RPH3A: variants seen among roughly 807,000 people sequenced by gnomAD.
RPH3A encodes rabphilin-3A.
RPH3A carries 48 observed loss-of-function variants against 102.2 expected under a neutral mutation model. That is an observed-to-expected ratio of 0.47 (90% confidence interval 0.37 to 0.60). The LOEUF (loss-of-function observed/expected upper bound fraction) is 0.60. RPH3A is among the 20% of genes least tolerant of loss of function. The pLI, the probability that RPH3A is intolerant of heterozygous loss-of-function variation, is 0.00. For synonymous variants in RPH3A, 310 were observed against 324.3 expected (o/e 0.96, Z 0.47); for missense variants, 781 against 910.1 (o/e 0.86, Z 1.83).
chr12:112,776,822 C>T (rs1402626422), intron 1 of RPH3A, among the ~76,000 whole-genome samples: 2 of 125,684 alleles, frequency 1.6e-5, no homozygotes, highest in African/African-American at 3.1e-5. Flanking sequence ...TGCAGTGAGC[C>T]GAGATCATGC....
At chr12:112,881,692 A>AG in intron 14 of RPH3A, 80 bp from the exon 15 acceptor site, 1 of 968,152 alleles carries the variant, frequency 1.0e-6, no homozygotes, top group Non-Finnish European at 1.6e-6. Context: ...GACAGATGCC[A>AG]GGGGCTATGC....
upstream of RPH3A, among the ~76,000 whole-genome samples, chr12:112,787,162 GC>G (rs1197144047): frequency 6.6e-6 from 1 of 151,952 alleles, no homozygotes; most frequent in Non-Finnish European, 1.5e-5. Flanking sequence ...CACCCAAATA[GC>G]CCAGGATAAT....
chr12:112,849,841 G>A (rs1415868827), intron 5 of RPH3A, among the ~76,000 whole-genome samples: 1 of 152,192 alleles, frequency 6.6e-6, no homozygotes, highest in Non-Finnish European at 1.5e-5. Context: ...CCCAGGGAAA[G>A]TACTCTGACT....
chr12:112,782,383 G>C (rs758022719), intron 1 of RPH3A, among the ~76,000 whole-genome samples: 46 of 152,184 alleles, frequency 3.0e-4, no homozygotes, highest in Non-Finnish European at 2.6e-4. Flanking sequence ...CACAAACTCT[G>C]GGGAGACTAC....
At chr12:112,647,853 C>A (rs548291823) in intron 1 of RPH3A, among the ~76,000 whole-genome samples, 2 of 152,274 alleles carry the variant, frequency 1.3e-5, no homozygotes, top group African/African-American at 4.8e-5. Flanking sequence ...AAAGCTTAAG[C>A]AAGTGAATGA....
At chr12:112,787,761 G>C (rs1197515224), upstream of RPH3A, among the ~76,000 whole-genome samples, 3 of 152,204 alleles carry the variant, frequency 2.0e-5, no homozygotes, top group Admixed American at 6.5e-5. Context: ...GGATTGTTGG[G>C]AGGATGAGAT....
In RPH3A at chr12:112,779,433, G is replaced by A. The variant is rs1190615545; in HGVS notation, c.-139-12710G>A. Among the ~76,000 whole-genome samples, 3 of 152,306 alleles carry A rather than the reference G, an allele frequency of 2.0e-5. No homozygotes were observed. The East Asian group carries it at 5.8e-4, about 29-fold the overall frequency. ...TGGATTTGAGAGTGCAGCAGCTGGG[G>A]CCTTCAGTCAATTAAGCTTCCTGTA... is the stretch of plus-strand genomic sequence containing the variant. On this transcript the variant is annotated intron_variant, in intron 1 of 21. Transcript: ENST00000543106.
chr12:112,734,213 C>T (rs2136050514), intron 1 of RPH3A, among the ~76,000 whole-genome samples: 1 of 152,268 alleles, frequency 6.6e-6, no homozygotes, highest in South Asian at 2.1e-4. Context: ...TGTTTAGATA[C>T]ACAAATGCTT....
In RPH3A at chr12:112,894,670, C is replaced by A; in HGVS notation, c.1857+11C>A. 6.2e-7 allele frequency: 1 copy of A among 1,611,458 alleles called. No individual in the cohort carries two copies. Among genetic ancestry groups the A allele is most frequent in the East Asian group, 2.2e-5 (1 of 44,834 alleles). ...CCCGAATTCAATGAGGTAAGGCTGC[C>A]CTATTCTTTTTCATGCTCTGGGATA... On this transcript the variant is annotated intron_variant, in intron 20 of 21. Transcript: ENST00000389385.
At chr12:112,855,879 G>A (rs1177849997) in intron 5 of RPH3A, among the ~76,000 whole-genome samples, 1 of 152,102 alleles carries the variant, frequency 6.6e-6, no homozygotes, top group Non-Finnish European at 1.5e-5. Flanking sequence ...GGTGTGTGGT[G>A]TGTGTGTGTG....
intron 1 of RPH3A, among the ~76,000 whole-genome samples, chr12:112,622,078 G>C (rs914939500): frequency 1.3e-5 from 2 of 149,570 alleles, no homozygotes; most frequent in East Asian, 4.0e-4. Flanking sequence ...CATCAAAGAC[G>C]AAAAGTAGAT....
chr12:112,828,634 C>G (rs2136153654), intron 3 of RPH3A, among the ~76,000 whole-genome samples: 1 of 152,238 alleles, frequency 6.6e-6, no homozygotes, highest in Admixed American at 6.5e-5. Flanking sequence ...AGATAACTGA[C>G]CTGGTGGTCA....
intron 5 of RPH3A, among the ~76,000 whole-genome samples, chr12:112,862,034 A>G (rs2042526230): frequency 7.2e-6 from 1 of 138,710 alleles, no homozygotes; most frequent in Non-Finnish European, 1.6e-5. Context: ...AAAAAAAAAA[A>G]GGATATCCCT....
chr12:112,735,791 T>C (rs768914759), intron 1 of RPH3A, among the ~76,000 whole-genome samples: 7 of 152,238 alleles, frequency 4.6e-5, no homozygotes, highest in Non-Finnish European at 1.0e-4. Flanking sequence ...CTGCTCATTG[T>C]CCACTCTGCT....
intron 10 of RPH3A, among the ~76,000 whole-genome samples, chr12:112,870,571 G>A (rs1480799774): frequency 6.6e-6 from 1 of 152,130 alleles, no homozygotes; most frequent in African/African-American, 2.4e-5. Context: ...GACTTTGAAG[G>A]AAATGTCTAC....
intron 1 of RPH3A, among the ~76,000 whole-genome samples, chr12:112,597,174 G>A (rs1385503739): frequency 6.6e-6 from 1 of 152,134 alleles, no homozygotes; most frequent in African/African-American, 2.4e-5. Context: ...AGGAGGAGAG[G>A]GAACTGTGAT....
rs950276304 is a variant in RPH3A at position 112,712,909 on chromosome 12, C to G, written c.-139-79234C>G. Among the ~76,000 whole-genome samples the G allele has an allele frequency of 1.8e-5, 2 of 109,496 alleles. 1 individual carries two copies. 71.8% of individuals were successfully genotyped at this position (109,496 alleles called of 152,430 possible). On this transcript the variant is annotated intron_variant, in intron 1 of 21. Transcript: ENST00000543106. ...TCTTCTTCTTCTTCTTCTTCCTCTTCTTCTTCTTCTTCTTCCTCTTCTTCT... is the reference window on the plus strand; with the variant it reads ...TCTTCTTCTTCTTCTTCTTCCTCTTGTTCTTCTTCTTCTTCCTCTTCTTCT...
rs528693646 is a variant in RPH3A, at chr12:112,749,816, A to G, written c.-139-42327A>G. Among the ~76,000 whole-genome samples, 34 of 152,336 alleles carry G rather than the reference A, an allele frequency of 2.2e-4. 2 individuals are homozygous for G. The South Asian group carries it at 6.2e-3, about 28-fold the overall frequency. On this transcript the variant is annotated intron_variant, in intron 1 of 21. Transcript: ENST00000543106. ...CCAGACTAATAGTTTGTTTATAGCA[A>G]ATGCTCCCAGAAAGAGATATATTAA...
intron 1 of RPH3A, among the ~76,000 whole-genome samples, chr12:112,617,515 T>C (rs2039689852): frequency 6.6e-6 from 1 of 152,170 alleles, no homozygotes; most frequent in African/African-American, 2.4e-5. Context: ...AAAGTACCTT[T>C]TATAGGCTCA....
Sources: gnomAD v4.1 joint callset for allele counts (sites outside exome capture counted in the v4.1 genomes callset) on GRCh38, gnomAD v4.1.1 for gene constraint, MANE v1.5 for transcripts, NCBI Gene and HGNC (gene_info 2026-07-23, HGNC 2026-07-21) for gene names.